Variants in GALNT13 observed in about 807,000 individuals in gnomAD.
GALNT13 encodes the protein UDP-GalNAc:polypeptide N-acetylgalactosaminyltransferase 13.
A neutral mutation model predicts 64.2 loss-of-function variants in GALNT13; 28 were observed. That is an observed-to-expected ratio of 0.44 (90% CI 0.32 to 0.60). GALNT13 has a LOEUF of 0.60. GALNT13 is among the 20% of genes least tolerant of loss of function. GALNT13 has a pLI of 0.05. For synonymous variants in GALNT13, 214 were observed against 224.6 expected, an observed-to-expected ratio of 0.95 and a Z score of 0.42; for missense variants, 577 against 669.8, an observed-to-expected ratio of 0.86 and a Z score of 1.53.
the GALNT13 span, among the ~76,000 whole-genome samples, chr2:153,315,003 A>T: frequency 6.6e-6 from 1 of 152,184 alleles, no homozygotes; most frequent in Non-Finnish European, 1.5e-5. Context: ...TACTTAAAAT[A>T]TAAAGACACA....
the GALNT13 span, among the ~76,000 whole-genome samples, chr2:153,814,655 C>T: frequency 6.6e-6 from 1 of 152,102 alleles, no homozygotes; most frequent in African/African-American, 2.4e-5. Flanking sequence ...CTACCACATC[C>T]AGAAAGTAAT....
the GALNT13 span, among the ~76,000 whole-genome samples, chr2:153,178,048 T>C: frequency 6.6e-6 from 1 of 152,214 alleles, no homozygotes; most frequent in Non-Finnish European, 1.5e-5. Context: ...GATTTCCTTC[T>C]TTTTAAAGAC....
the GALNT13 span, among the ~76,000 whole-genome samples, chr2:153,542,053 C>T: frequency 3.5e-4 from 54 of 152,232 alleles, no homozygotes; most frequent in African/African-American, 1.2e-3. Flanking sequence ...TACAGTGGCT[C>T]ACCCCTGTAA....
At chr2:153,462,503 AG>A in the GALNT13 span, among the ~76,000 whole-genome samples, 1 of 152,120 alleles carries the variant, frequency 6.6e-6, no homozygotes, top group Non-Finnish European at 1.5e-5. Flanking sequence ...TAGGACAGCA[AG>A]GCAAAATCAA....
At chr2:153,825,729 G>T in the GALNT13 span, among the ~76,000 whole-genome samples, 5 of 151,534 alleles carry the variant, frequency 3.3e-5, no homozygotes, top group Non-Finnish European at 7.4e-5. Flanking sequence ...ATCCCCCAGC[G>T]AATACCCTTT....
chr2:153,534,013 A>G, the GALNT13 span, among the ~76,000 whole-genome samples: 4 of 151,850 alleles, frequency 2.6e-5, no homozygotes, highest in Non-Finnish European at 5.9e-5. Context: ...AGCTGGGATT[A>G]CAGGCGTGAG....
the GALNT13 span, among the ~76,000 whole-genome samples, chr2:153,247,003 C>T: frequency 6.6e-6 from 1 of 152,038 alleles, no homozygotes; most frequent in Admixed American, 6.6e-5. Context: ...CAATCCTAGT[C>T]TCTGATAAAA....
intron 9 of GALNT13, among the ~76,000 whole-genome samples, chr2:154,306,384 A>C (rs1226533876): frequency 6.6e-6 from 1 of 151,794 alleles, no homozygotes; most frequent in African/African-American, 2.4e-5. Context: ...CCCACTCATG[A>C]GTGAGAACAT....
intron 9 of GALNT13, among the ~76,000 whole-genome samples, chr2:154,361,897 T>A (rs1007922382): frequency 6.6e-5 from 10 of 152,090 alleles, no homozygotes; most frequent in Admixed American, 6.6e-4. Flanking sequence ...TGGCACTCTT[T>A]CCAAGACTTA....
chr2:153,363,128 A>T, the GALNT13 span, among the ~76,000 whole-genome samples: 1 of 152,158 alleles, frequency 6.6e-6, no homozygotes, highest in Non-Finnish European at 1.5e-5. Context: ...ATGCTCCTGA[A>T]TGACTCCTGG....
At chr2:153,237,191 T>C in the GALNT13 span, among the ~76,000 whole-genome samples, 1 of 151,978 alleles carries the variant, frequency 6.6e-6, no homozygotes, top group African/African-American at 2.4e-5. Context: ...TAAAATACGT[T>C]TTTCCTCTTA....
At chr2:154,010,028 A>G (rs1696524359) in intron 3 of GALNT13, among the ~76,000 whole-genome samples, 1 of 152,132 alleles carries the variant, frequency 6.6e-6, no homozygotes, top group Non-Finnish European at 1.5e-5. Context: ...AAATTTTGCT[A>G]AAGTGTTTTT....
At chr2:153,751,351 C>T in the GALNT13 span, among the ~76,000 whole-genome samples, 2 of 151,136 alleles carry the variant, frequency 1.3e-5, no homozygotes, top group Non-Finnish European at 3.0e-5. Context: ...GTTTAAGTCT[C>T]ATGTTTTGTT....
At chr2:153,230,932 C>T in the GALNT13 span, among the ~76,000 whole-genome samples, 1 of 152,158 alleles carries the variant, frequency 6.6e-6, no homozygotes, top group Non-Finnish European at 1.5e-5. Context: ...CTTTTTAAAT[C>T]TTCTTGACTG....
At chr2:153,406,388 A>G in the GALNT13 span, among the ~76,000 whole-genome samples, 1 of 152,060 alleles carries the variant, frequency 6.6e-6, no homozygotes, top group African/African-American at 2.4e-5. Flanking sequence ...AGATTTTACA[A>G]TTTGTTTAAA....
the GALNT13 span, among the ~76,000 whole-genome samples, chr2:153,393,504 A>G: frequency 6.6e-6 from 1 of 152,082 alleles, no homozygotes; most frequent in Non-Finnish European, 1.5e-5. Context: ...AAGGTATATT[A>G]ATGTTCCGTT....
chr2:153,195,225 CTA>C, the GALNT13 span, among the ~76,000 whole-genome samples: 3 of 152,068 alleles, frequency 2.0e-5, no homozygotes, highest in African/African-American at 7.2e-5. Context: ...ACTTCTCTGG[CTA>C]AAAACCTCTG....
the GALNT13 span, among the ~76,000 whole-genome samples, chr2:153,362,553 CAA>C: frequency 0.014 from 1,100 of 80,322 alleles, 16 homozygotes; most frequent in African/African-American, 0.053. Context: ...AAATGGAGAG[CAA>C]AAAAAAAAAA....
intron 11 of GALNT13, 32 bp from the exon 12 acceptor site, chr2:154,438,560 A>G (rs1296914270): frequency 5.2e-6 from 8 of 1,549,568 alleles, no homozygotes; most frequent in Admixed American, 1.7e-5. Context: ...TAAAACATAC[A>G]TTTTTTTTAT....
Sources: allele counts gnomAD v4.1 joint callset (sites outside exome capture counted in the v4.1 genomes callset), GRCh38; gene constraint gnomAD v4.1.1; transcripts MANE v1.5; gene names NCBI Gene and HGNC (gene_info 2026-07-23, HGNC 2026-07-21).